Variants in LIPE observed in about 807,000 individuals in gnomAD.
LIPE encodes hormone-sensitive lipase.
Under a neutral mutation model 88.5 loss-of-function variants are expected in LIPE, and 66 were observed. The ratio of observed to expected loss-of-function variants is 0.75; its 90% confidence interval spans 0.61 to 0.91. LIPE has a LOEUF of 0.91. LIPE is among the 40% of genes least tolerant of loss of function. The pLI, the probability that LIPE is intolerant of heterozygous loss-of-function variation, is 0.00. For missense variants in LIPE, 1,346 were observed against 1,434.7 expected, an observed-to-expected ratio of 0.94 and a Z score of 1.00; for synonymous variants, 570 against 617.5, an observed-to-expected ratio of 0.92 and a Z score of 1.14.
In LIPE at chr19:42,401,974, C is replaced by A. The variant is rs753543762; in HGVS notation, c.3069G>T (p.Pro1023=). ...PVTLRVVEDL[P]HGFLTLAALC... ...GCGCCGCTAGGGTCAGGAAGCCGTG[C>A]GGCAGGTCCTCCACCACGCGCAGCG... Residue 1023 remains proline, a synonymous_variant, in exon 10 of 10, where the codon CCG becomes CCT. Coordinates refer to ENST00000244289, the MANE Select transcript of LIPE (RefSeq NM_005357.4). The A allele has an allele frequency of 1.7e-5, 27 of 1,556,520 alleles. No homozygotes were observed. The South Asian group carries it at 3.0e-4, about 17-fold the overall frequency.
Position 42,408,302 on chromosome 19 carries a change from TG to T in LIPE, c.1439del (p.Pro480HisfsTer83). ...LGFQFTPAIR[P>X]FLQTISIGLV... ...GCCCAATGGAGATGGTCTGCAGGAA[TG>T]GCCGGATGGCAGGCGTGAACTGTGG... On this transcript the variant is annotated frameshift_variant, in exon 3 of 10. Coordinates refer to ENST00000244289, the MANE Select transcript of LIPE (RefSeq NM_005357.4). LOFTEE classifies it high-confidence loss of function. The surrounding 1 kb of genome is among the most constrained non-coding windows in gnomAD (Gnocchi z 4.3). The T allele has an allele frequency of 6.2e-7, 1 of 1,614,036 alleles. No homozygotes were observed. The highest frequency in any genetic ancestry group is 8.5e-7 in the Non-Finnish European group (1 of 1,179,980).
rs930515821 is a variant in LIPE, at chr19:42,402,674, T to G, written c.2900A>C (p.Asn967Thr). Residue 967 changes from asparagine (N) to threonine (T), a missense_variant, in exon 9 of 10, where the codon AAC (asparagine) becomes ACC (threonine). Asn to Thr is a moderately conservative substitution (Grantham distance 65). Transcript: ENST00000244289. Reference protein sequence around the residue: ...MPLYSSPIVKNPFMSPLLAPD... With the variant: ...MPLYSSPIVKTPFMSPLLAPD... ...TGCCAGCAGCGGCGACATGAAGGGG[T>G]TCTTGACTATGGGTGAGGAGTAGAG... 2 of 1,501,484 alleles carry G rather than the reference T, an allele frequency of 1.3e-6. No homozygotes were observed. Among genetic ancestry groups the G allele is most frequent in the Non-Finnish European group, 1.8e-6 (2 of 1,122,458 alleles). The allele number at this position is 1,501,484 out of a possible 1,614,324, so 93.0% of individuals were successfully genotyped here.
At chr19:42,409,438 G>A (rs1294794015) in intron 2 of LIPE, among the ~76,000 whole-genome samples, 2 of 151,734 alleles carry the variant, frequency 1.3e-5, no homozygotes, top group Non-Finnish European at 2.9e-5. Flanking sequence ...GGGGACACAG[G>A]ATTAGAGGAA....
At position 42,427,078 on chromosome 19, in the gene LIPE, C is replaced by A; in HGVS notation, c.72G>T (p.Pro24=). Residue 24 remains proline (P), a synonymous_variant, in exon 1 of 10, where the codon CCG becomes CCT. Coordinates refer to ENST00000244289, the MANE Select transcript of LIPE (RefSeq NM_005357.4). ...QPEPHQRPIT[P]LEPGPEKTPI... is the part of the protein sequence containing the mutation. ...GTGTCTTTTCTGGCCCAGGCTCTAG[C>A]GGGGTTATAGGCCTCTGGTGTGGTT... 1.2e-6 allele frequency: 2 copies of A among 1,614,130 alleles called. No homozygotes were observed. The highest frequency in any genetic ancestry group is 1.7e-6 in the Non-Finnish European group (2 of 1,180,014).
rs1251149153 is a variant in LIPE, at chr19:42,407,580, G to T, written c.1842+26C>A. 1.9e-6 allele frequency: 3 copies of T among 1,592,704 alleles called. No individual in the cohort carries two copies. The Admixed American group carries it at 5.2e-5, about 27-fold the overall frequency. ...GCCCACGCTCCTCGGCTCTGTCCCT[G>T]TCCCTGGCTGAGGCTGGAACCCTAC... On this transcript the variant is annotated intron_variant, in intron 5 of 9. Coordinates refer to ENST00000244289, the MANE Select transcript of LIPE (RefSeq NM_005357.4). The surrounding 1 kb of genome is among the most constrained non-coding windows in gnomAD (Gnocchi z 5.8).
intron 1 of LIPE, among the ~76,000 whole-genome samples, chr19:42,416,403 G>T (rs35241185): frequency 6.6e-6 from 1 of 152,158 alleles, no homozygotes; most frequent in Non-Finnish European, 1.5e-5. Context: ...AGCAAGTTAT[G>T]CAGAAGATCT....
rs771231913 is a variant in LIPE at position 42,426,584 on chromosome 19, G to T, written c.566C>A (p.Thr189Lys). Residue 189 changes from threonine (T) to lysine (K), a missense_variant, in exon 1 of 10, where the codon ACG (threonine) becomes AAG (lysine). Coordinates refer to ENST00000244289, the MANE Select transcript of LIPE (RefSeq NM_005357.4). ...CTTGGATTTGGCTCCCTGGACTGGC[G>T]TTGTTTGCTTGTCTGACTGTTCAGG... is the stretch of plus-strand genomic sequence containing the variant. ...ETPEQSDKQT[T>K]PVQGAKSKQG... is the part of the protein sequence containing the mutation. 6.2e-7 allele frequency: 1 copy of T among 1,614,192 alleles called. No individual in the cohort carries two copies.
Position 42,408,301 on chromosome 19 carries a change from A to C in LIPE, c.1441T>G (p.Phe481Val), listed in dbSNP as rs754874195. Residue 481 changes from phenylalanine (F) to valine (V), a missense_variant, in exon 3 of 10, where the codon TTC (phenylalanine) becomes GTC (valine). Physicochemically the swap from Phe to Val is conservative, Grantham distance 50 (BLOSUM62 -1). Coordinates refer to ENST00000244289, the MANE Select transcript of LIPE (RefSeq NM_005357.4). The surrounding 1 kb of genome is among the most constrained non-coding windows in gnomAD (Gnocchi z 4.3). The stretch of plus-strand genomic sequence containing the variant: ...AGCCCAATGGAGATGGTCTGCAGGA[A>C]TGGCCGGATGGCAGGCGTGAACTGT... ...GFQFTPAIRP[F>V]LQTISIGLVS... 4 of 1,614,078 alleles carry C rather than the reference A, an allele frequency of 2.5e-6. No individual in the cohort carries two copies. The highest frequency in any genetic ancestry group is 1.3e-5 in the African/African-American group (1 of 75,030).
At chr19:42,405,058 G>A (rs1600107644) in intron 8 of LIPE, among the ~76,000 whole-genome samples, 1 of 151,926 alleles carries the variant, frequency 6.6e-6, no homozygotes, top group African/African-American at 2.4e-5. Context: ...TGTAGAGAAG[G>A]GGTTTTGCCA....
At position 42,405,399 on chromosome 19, in the gene LIPE, G is replaced by A. The variant is rs144971324; in HGVS notation, c.2528C>T (p.Ser843Leu). The A allele has an allele frequency of 2.7e-5, 44 of 1,613,140 alleles. No homozygotes were observed. The highest frequency in any genetic ancestry group is 5.5e-5 in the South Asian group (5 of 91,012). ...ELSGRKSQKMSEPIAEPMRRS... is the reference protein window; with the variant it reads ...ELSGRKSQKMLEPIAEPMRRS... ...GAATCACTCACCTGCTATGGGCTCC[G>A]ACATCTTCTGGGACTTGCGCCCACT... The change falls in exon 8 of 10, where the codon TCG becomes TTG. Residue 843 changes from serine to leucine, a missense_variant. By Grantham distance (145) the Ser-to-Leu change is moderately radical (BLOSUM62 -2). Transcript: ENST00000244289.
intron 1 of LIPE, chr19:42,411,264 C>T (rs2040368258): frequency 1.0e-6 from 1 of 976,856 alleles, no homozygotes; most frequent in Non-Finnish European, 1.2e-6. Context: ...CTAACTCATT[C>T]ACCTCTCCTG....
In LIPE at chr19:42,407,469, C is replaced by G. The variant is rs1241660702; in HGVS notation, c.1843-1G>C. On this transcript the variant is annotated splice_acceptor_variant, in intron 5 of 9. Coordinates refer to ENST00000244289, the MANE Select transcript of LIPE (RefSeq NM_005357.4). LOFTEE classifies it high-confidence loss of function. This position sits in a 1 kb window ranked among gnomAD's most constrained non-coding sequence, Gnocchi z 5.8. ...TCAGGCTGCTGAGCTCCTCACTGTC[C>G]TGGGGGTGAGGAGGGAGACGGTGTG... 6.2e-7 allele frequency: 1 copy of G among 1,608,258 alleles called. No homozygotes were observed. The highest frequency in any genetic ancestry group is 1.3e-5 in the African/African-American group (1 of 74,792).
At chr19:42,426,224 G>A (rs1282675944) in intron 1 of LIPE, 43 bp downstream of exon 1, 3 of 1,506,638 alleles carry the variant, frequency 2.0e-6, no homozygotes, top group Non-Finnish European at 2.7e-6. Flanking sequence ...GTAAATGAAT[G>A]ACTGTCCCTG....
In LIPE at chr19:42,410,375, C is replaced by T. The variant is rs201721725; in HGVS notation, c.1351G>A (p.Ala451Thr). The T allele has an allele frequency of 3.6e-5, 58 of 1,613,918 alleles. No individual in the cohort carries two copies. In the East Asian group the frequency reaches 7.6e-4, roughly 21 times the overall value. Residue 451 changes from alanine (A) to threonine (T), a missense_variant, in exon 2 of 10, where the codon GCC (alanine) becomes ACC (threonine). Transcript: ENST00000244289. This position sits in a 1 kb window ranked among gnomAD's most constrained non-coding sequence, Gnocchi z 6.1. ...GTGACATACTCCCGGAGGAAGTCGG[C>T]GGTGAGCCCCTCGTCGCCCTCAAAG... Reference protein sequence around the residue: ...LFFEGDEGLTADFLREYVTLH... With the variant: ...LFFEGDEGLTTDFLREYVTLH...
intron 1 of LIPE, among the ~76,000 whole-genome samples, chr19:42,418,652 GAAAAA>G (rs371491190): frequency 3.4e-5 from 5 of 145,034 alleles, no homozygotes; most frequent in Admixed American, 1.4e-4. Flanking sequence ...CGTCTCTACA[GAAAAA>G]AAAAAATTAA....
In LIPE at chr19:42,407,981, G is replaced by T. The variant is rs1332302462; in HGVS notation, c.1651C>A (p.Leu551Ile). 1.9e-6 allele frequency: 3 copies of T among 1,612,780 alleles called. No individual in the cohort carries two copies. The highest frequency in any genetic ancestry group is 2.5e-6 in the Non-Finnish European group (3 of 1,179,722). ...CATCTGCAACAGGCCCTCACCGATA[G>T]CACTTCCATCTCGGTGATGTTCCAG... is the stretch of plus-strand genomic sequence containing the variant. ...AFWNITEMEV[L>I]SSLANMASAT... The change falls in exon 4 of 10, where the codon CTA becomes ATA. Residue 551 changes from leucine (L) to isoleucine (I), a missense_variant. Transcript: ENST00000244289. The surrounding 1 kb of genome is among the most constrained non-coding windows in gnomAD (Gnocchi z 5.8).
chr19:42,402,810 C>G lies in LIPE; in HGVS notation c.2764G>C (p.Ala922Pro). The G allele has an allele frequency of 6.2e-7, 1 of 1,612,844 alleles. No homozygotes were observed. The highest frequency in any genetic ancestry group is 8.5e-7 in the Non-Finnish European group (1 of 1,179,054). ...LLPPEDAGEE[A>P]EAKNELSPMD... ...GGGCTCAGCTCATTTTTGGCCTCAG[C>G]CTCTTCCCCTGCATCCTCAGGTGGT... The change falls in exon 9 of 10, where the codon GCT (alanine) becomes CCT (proline). Residue 922 changes from alanine to proline, a missense_variant. By Grantham distance (27) the Ala-to-Pro change is conservative (BLOSUM62 -1). Coordinates refer to ENST00000244289, the MANE Select transcript of LIPE (RefSeq NM_005357.4).
chr19:42,407,321 C>G lies in LIPE; in HGVS notation c.1990G>C (p.Glu664Gln), dbSNP rs756003168. The stretch of plus-strand genomic sequence containing the variant: ...TGGGCCCAGCTCTTGAGGTAGGGCT[C>G]GTGGGATCTGGAGGTCTGGGCCACA... ...GFVAQTSRSH[E>Q]PYLKSWAQEL... Residue 664 changes from glutamate (E) to glutamine (Q), a missense_variant, in exon 6 of 10, where the codon GAG becomes CAG. Transcript: ENST00000244289. The surrounding 1 kb of genome is among the most constrained non-coding windows in gnomAD (Gnocchi z 5.8). 1.9e-6 allele frequency: 3 copies of G among 1,611,912 alleles called. No homozygotes were observed. In the Admixed American group the frequency reaches 5.0e-5, roughly 27 times the overall value.
In LIPE at chr19:42,402,961, G is replaced by C. The variant is rs775237554; in HGVS notation, c.2613C>G (p.Leu871=). 3 of 1,606,850 alleles carry C rather than the reference G, an allele frequency of 1.9e-6. No homozygotes were observed. The highest frequency in any genetic ancestry group is 4.5e-5 in the East Asian group (2 of 44,858). ...QPQGPLGTDS[L]KNLTLRDLSL... ...TCAAGTCCCTCAGGGTCAGGTTCTT[G>C]AGGGAATCCGTGCCCAGTGGGCCCT... The change falls in exon 9 of 10, where the codon CTC becomes CTG. Residue 871 remains leucine (L), a synonymous_variant. Transcript: ENST00000244289.
Sources: gnomAD v4.1 joint callset for allele counts (sites outside exome capture counted in the v4.1 genomes callset) on GRCh38, gnomAD v4.1.1 for gene constraint, Gnocchi (gnomAD v3.1) non-coding constraint, MANE v1.5 for transcripts, NCBI Gene and HGNC (gene_info 2026-07-23, HGNC 2026-07-21) for gene names.